Variants in PON2 observed in about 807,000 individuals in gnomAD.
PON2 encodes the protein serum paraoxonase/arylesterase 2.
PON2 carries 27 observed loss-of-function variants against 36.6 expected under a neutral mutation model. The observed-to-expected ratio is 0.74, with a 90% confidence interval of 0.54 to 1.02. The LOEUF is 1.02. Ranked by LOEUF, PON2 falls within the 50% of genes least tolerant of loss-of-function variation. The probability of loss-of-function intolerance (pLI) is 0.00; values close to 1 mark genes in which losing one functional copy is unlikely to be tolerated. For missense variants in PON2, 363 were observed against 421.1 expected (o/e 0.86, Z 1.21); for synonymous variants, 149 against 156.3 (o/e 0.95, Z 0.35).
At chr7:95,417,843 G>A (rs56265549) in intron 2 of PON2, among the ~76,000 whole-genome samples, 40,708 of 131,384 alleles carry the variant, frequency 0.31, 5,892 homozygotes, top group South Asian at 0.42. Context: ...AAGTATACAC[G>A]TGGAAAAAGA....
intron 1 of PON2, among the ~76,000 whole-genome samples, chr7:95,427,637 C>G (rs975008799): frequency 4.6e-5 from 7 of 152,104 alleles, no homozygotes; most frequent in Admixed American, 4.6e-4. Context: ...TATGAAGAAC[C>G]CAGTTCCTTG....
chr7:95,419,745 G>A (rs780317613), intron 2 of PON2, among the ~76,000 whole-genome samples: 2 of 152,082 alleles, frequency 1.3e-5, no homozygotes, highest in Non-Finnish European at 2.9e-5. Flanking sequence ...CTTCCTGCTG[G>A]GAAATGGCAA....
At chr7:95,413,710 T>A (rs1010864290) in intron 3 of PON2, among the ~76,000 whole-genome samples, 1 of 152,240 alleles carries the variant, frequency 6.6e-6, no homozygotes, top group Admixed American at 6.5e-5. Flanking sequence ...TAATTCAGTT[T>A]ACTAATACGA....
chr7:95,432,121 T>G (rs1226957232), intron 1 of PON2, among the ~76,000 whole-genome samples: 2 of 152,124 alleles, frequency 1.3e-5, no homozygotes, highest in African/African-American at 4.8e-5. Context: ...CATCAAATTG[T>G]AAAGTAGGCC....
chr7:95,411,704 G>T lies in PON2; in HGVS notation c.443C>A (p.Ala148Glu). Residue 148 changes from alanine (A) to glutamate (E), a missense_variant, in exon 5 of 9, where the codon GCA becomes GAA. Physicochemically the swap from Ala to Glu is moderately radical, Grantham distance 107 (BLOSUM62 -1). Coordinates refer to ENST00000222572, the MANE Select transcript of PON2 (RefSeq NM_000305.3). ...TTTCAGATGCAACAGAGAATTTTCT[G>T]CTTCTTCAAATTTAAAAATTTCCAC... The part of the protein sequence containing the change: ...NTVEIFKFEE[A>E]ENSLLHLKTV... 3.1e-6 allele frequency: 5 copies of T among 1,613,410 alleles called. No individual in the cohort carries two copies. Among genetic ancestry groups the T allele is most frequent in the Non-Finnish European group, 4.2e-6 (5 of 1,179,660 alleles).
chr7:95,411,611 A>G (rs1176234435), intron 5 of PON2, 42 bp downstream of exon 5: 1 of 1,612,392 alleles, frequency 6.2e-7, no homozygotes, highest in South Asian at 1.1e-5. Flanking sequence ...TTGTTTGCAA[A>G]TGCTGGGGAT....
At chr7:95,426,428 C>A (rs1789318944) in intron 1 of PON2, among the ~76,000 whole-genome samples, 1 of 152,194 alleles carries the variant, frequency 6.6e-6, no homozygotes, top group Non-Finnish European at 1.5e-5. Context: ...TCATTTAATT[C>A]TTCAAACAAC....
At position 95,406,149 on chromosome 7, in the gene PON2, C is replaced by T. The variant is rs1372760495; in HGVS notation, c.876G>A (p.Val292=). The T allele has an allele frequency of 6.2e-7, 1 of 1,613,708 alleles. No homozygotes were observed. The highest frequency in any genetic ancestry group is 2.2e-5 in the East Asian group (1 of 44,880). ...GCHPNGQKLF[V]YDPNNPPSSE... ...ACGAGGGAGGATTGTTCGGGTCATA[C>T]ACGAAGAGCTTCTGGCCATTAGGAT... The change falls in exon 8 of 9, where the codon GTG becomes GTA. Residue 292 remains valine (V), a synonymous_variant. Transcript: ENST00000222572.
intron 1 of PON2, 83 bp downstream of exon 1, chr7:95,434,795 C>T: frequency 6.9e-7 from 1 of 1,458,218 alleles, no homozygotes; most frequent in South Asian, 1.3e-5. Context: ...GGAATCCCTC[C>T]CCCAGCCTGC....
At chr7:95,431,667 G>C (rs183163750) in intron 1 of PON2, among the ~76,000 whole-genome samples, 6 of 151,898 alleles carry the variant, frequency 4.0e-5, no homozygotes, top group African/African-American at 1.4e-4. Context: ...TGATCTGCCC[G>C]CCTCAGCCTC....
chr7:95,424,417 G>GA (rs1435257572), intron 2 of PON2, 98 bp downstream of exon 2: 9 of 984,344 alleles, frequency 9.1e-6, no homozygotes, highest in African/African-American at 1.6e-5. Context: ...TTTATCCACT[G>GA]AAAAGCAGTA....
chr7:95,410,026 T>C lies in PON2; in HGVS notation c.570A>G (p.Leu190=). The change falls in exon 6 of 9, where the codon TTA becomes TTG. Residue 190 remains leucine, a synonymous_variant. Transcript: ENST00000222572. ...TNDHYFSDPF[L]KYLETYLNLH... Reference sequence around the variant, plus strand: ...AGTTCAAGTATGTTTCTAAATACTTTAAGAAAGGATCAGAGAAGTAGTGGT... The same window carrying C: ...AGTTCAAGTATGTTTCTAAATACTTCAAGAAAGGATCAGAGAAGTAGTGGT... The C allele has an allele frequency of 6.2e-7, 1 of 1,613,630 alleles. No individual in the cohort carries two copies. Among genetic ancestry groups the C allele is most frequent in the Non-Finnish European group, 8.5e-7 (1 of 1,179,646 alleles).
chr7:95,412,488 C>T lies in PON2; in HGVS notation c.202-11G>A, dbSNP rs376186292. On this transcript the variant is annotated splice_polypyrimidine_tract_variant and intron_variant, in intron 3 of 8. Coordinates refer to ENST00000222572, the MANE Select transcript of PON2 (RefSeq NM_000305.3). ...TGGGAATTTTAGACCCTTTCCAAAA[C>T]GGTGAAAAATGTTAAATACAAAAGC... 66 of 1,612,992 alleles carry T rather than the reference C, an allele frequency of 4.1e-5. No homozygotes were observed. The highest frequency in any genetic ancestry group is 2.5e-4 in the East Asian group (11 of 44,876).
intron 8 of PON2, 108 bp from the exon 9 acceptor site, chr7:95,405,596 T>G (rs1237866817): frequency 1.8e-6 from 2 of 1,089,702 alleles, no homozygotes; most frequent in Non-Finnish European, 1.4e-6. Flanking sequence ...GGGGACATGC[T>G]GTTGAAAATA....
chr7:95,426,657 G>A (rs1428544144), intron 1 of PON2, among the ~76,000 whole-genome samples: 1 of 152,180 alleles, frequency 6.6e-6, no homozygotes, highest in Non-Finnish European at 1.5e-5. Context: ...ATCTCTATAG[G>A]TGTCAGTCTT....
rs754628934 is a variant in PON2, at chr7:95,405,391, A to C, written c.1004T>G (p.Val335Gly). 3 of 1,613,992 alleles carry C rather than the reference A, an allele frequency of 1.9e-6. No individual in the cohort carries two copies. Among genetic ancestry groups the C allele is most frequent in the Non-Finnish European group, 1.7e-6 (2 of 1,179,876 alleles). Residue 335 changes from valine to glycine, a missense_variant, in exon 9 of 9, where the codon GTG (valine) becomes GGG (glycine). Coordinates refer to ENST00000222572, the MANE Select transcript of PON2 (RefSeq NM_000305.3). ...SVLQGSSVASVYDGKLLIGTL... is the reference protein window; with the variant it reads ...SVLQGSSVASGYDGKLLIGTL... ...GCCTATGAGCAGCTTCCCATCATACACTGAGGCTACAGAACTTCCTTGGAG... is the reference window on the plus strand; with the variant it reads ...GCCTATGAGCAGCTTCCCATCATACCCTGAGGCTACAGAACTTCCTTGGAG...
chr7:95,424,211 G>A, intron 2 of PON2: 1 of 395,900 alleles, frequency 2.5e-6, no homozygotes. Context: ...ACAGACTGCA[G>A]CGGCCATACC....
At chr7:95,422,357 T>A (rs1789212389) in intron 2 of PON2, among the ~76,000 whole-genome samples, 1 of 152,134 alleles carries the variant, frequency 6.6e-6, no homozygotes, top group Non-Finnish European at 1.5e-5. Context: ...ATCTTTGGGG[T>A]TATTTCTGTT....
At chr7:95,433,853 A>C (rs1001055229) in intron 1 of PON2, among the ~76,000 whole-genome samples, 4 of 152,202 alleles carry the variant, frequency 2.6e-5, no homozygotes, top group African/African-American at 9.6e-5. Context: ...CTCCACCCTC[A>C]GGGGATGGAA....
Sources: allele counts gnomAD v4.1 joint callset (sites outside exome capture counted in the v4.1 genomes callset), GRCh38; gene constraint gnomAD v4.1.1; transcripts MANE v1.5; gene names NCBI Gene and HGNC (gene_info 2026-07-23, HGNC 2026-07-21).